Variants in DCLRE1C observed in about 807,000 individuals in gnomAD.
The protein encoded by DCLRE1C is DNA cross-link repair 1C.
Under a neutral mutation model 61.4 loss-of-function variants are expected in DCLRE1C, and 47 were observed. The observed-to-expected ratio is 0.77, with a 90% CI of 0.61 to 0.98. The LOEUF (loss-of-function observed/expected upper bound fraction) is 0.98, where lower values mean the gene tolerates loss of function less well. Among genes scored for constraint, DCLRE1C ranks in the 50% least tolerant of loss-of-function variants. The pLI is 0.00. For synonymous variants in DCLRE1C, 337 were observed against 287.6 expected (o/e 1.17, Z -1.74); for missense variants, 858 against 816.0 (o/e 1.05, Z -0.63).
At chr10:14,912,491 G>A (rs184065803) in intron 13 of DCLRE1C, among the ~76,000 whole-genome samples, 124 of 152,314 alleles carry the variant, frequency 8.1e-4, no homozygotes, top group African/African-American at 2.9e-3. Context: ...AATTTTCATA[G>A]CATTATTATT....
At position 14,926,879 on chromosome 10, in the gene DCLRE1C, G is replaced by A. The variant is rs1268452853; in HGVS notation, c.936C>T (p.Tyr312=). The A allele has an allele frequency of 7.4e-6, 12 of 1,613,454 alleles. No homozygotes were observed. Among genetic ancestry groups the A allele is most frequent in the Non-Finnish European group, 1.0e-5 (12 of 1,179,510 alleles). ...AGGAGTGAAAAGAAAAACAAGCTCT[G>A]TATGAACTCTCTCCAGTCCTAAAGG... ...NVIVRTGESS[Y]RACFSFHSSY... Residue 312 remains tyrosine, a synonymous_variant, in exon 11 of 14, where the codon TAC becomes TAT. Coordinates refer to ENST00000378278, the MANE Select transcript of DCLRE1C (RefSeq NM_001033855.3).
exon 14 of DCLRE1C, chr10:14,897,558 G>T (rs779979373): frequency 7.0e-7 from 1 of 1,431,278 alleles, no homozygotes; most frequent in Non-Finnish European, 9.2e-7. Context: ...GGACATGCAA[G>T]GTTTATACTT....
Position 14,908,433 on chromosome 10 carries a change from CTTTT to C in DCLRE1C, c.2050_2053del (p.Lys684GlufsTer6), listed in dbSNP as rs915913541. On this transcript the variant is annotated frameshift_variant, in exon 14 of 14. Coordinates refer to ENST00000378278, the MANE Select transcript of DCLRE1C (RefSeq NM_001033855.3). LOFTEE classifies it high-confidence loss of function. ...TTAGGTATCTAAGAGTGAGCATTTTCTTTTTTTGACTGCTATACTCTCACCAGTT... is the reference window on the plus strand; with the variant it reads ...TTAGGTATCTAAGAGTGAGCATTTTCTTTGACTGCTATACTCTCACCAGTT... 5.0e-6 allele frequency: 8 copies of C among 1,613,596 alleles called. No individual in the cohort carries two copies. The African/African-American group carries it at 1.1e-4, about 22-fold the overall frequency.
In DCLRE1C at chr10:14,931,438, A is replaced by G. The variant is rs41297982; in HGVS notation, c.780+1416T>C. On this transcript the variant is annotated intron_variant, in intron 9 of 13. Coordinates refer to ENST00000378278, the MANE Select transcript of DCLRE1C (RefSeq NM_001033855.3). ...CCAGGTGTGGTAGCGGGAGCCTGTA[A>G]TCTCAGCTACTCGGGAGGCTGAGGC... 3.0e-3 allele frequency among the ~76,000 whole-genome samples: 464 copies of G among 152,230 alleles called. 1 individual carries two copies. The highest frequency in any genetic ancestry group is 0.013 in the South Asian group (62 of 4,824).
chr10:14,954,140 A>G (rs1317623141), upstream of DCLRE1C: 4 of 1,497,824 alleles, frequency 2.7e-6, no homozygotes, highest in South Asian at 1.2e-5. Flanking sequence ...GCCACGTCCA[A>G]TCAGAGGAGT....
At position 14,934,375 on chromosome 10, in the gene DCLRE1C, C is replaced by T. The variant is rs750695358; in HGVS notation, c.678+5G>A. 57 of 1,613,510 alleles carry T rather than the reference C, an allele frequency of 3.5e-5. 1 individual carries two copies. In the Middle Eastern group the frequency reaches 8.3e-4, roughly 23 times the overall value. ...AGAAAAGAAAAGAATGAACAGTCACCATACCTGGACTCCTAATTCTTCACT... is the reference window on the plus strand; with the variant it reads ...AGAAAAGAAAAGAATGAACAGTCACTATACCTGGACTCCTAATTCTTCACT... On this transcript the variant is annotated splice_donor_5th_base_variant and intron_variant, in intron 8 of 13. Coordinates refer to ENST00000378278, the MANE Select transcript of DCLRE1C (RefSeq NM_001033855.3).
chr10:14,931,376 G>A (rs1838958678), intron 9 of DCLRE1C, among the ~76,000 whole-genome samples: 1 of 151,922 alleles, frequency 6.6e-6, no homozygotes, highest in South Asian at 2.1e-4. Flanking sequence ...TGGCCAATAT[G>A]GTGAAACCCT....
rs543139301 is a variant in DCLRE1C, at chr10:14,936,591, C to T, written c.309G>A (p.Lys103=). ...GTAAGAGAGTCACAACAATCTCTTC[C>T]TTCTAAAAAGAAAATAAAGAAAAAA... is the stretch of plus-strand genomic sequence containing the variant. ...ISLVDEASGE[K]EEIVVTLLPA... is the part of the protein sequence containing the mutation. The change falls in exon 5 of 14, where the codon AAG becomes AAA. Residue 103 remains lysine, a splice_region_variant and synonymous_variant. Transcript: ENST00000378278. 3.1e-6 allele frequency: 5 copies of T among 1,611,994 alleles called. No homozygotes were observed. The African/African-American group carries it at 5.3e-5, about 17-fold the overall frequency.
downstream of DCLRE1C, chr10:14,902,319 A>T: frequency 1.2e-6 from 1 of 866,332 alleles, no homozygotes; most frequent in Non-Finnish European, 1.8e-6. Context: ...TATCACTGAT[A>T]ATAAAGCTAA....
At chr10:14,919,011 CAT>C (rs779836956) in intron 13 of DCLRE1C, among the ~76,000 whole-genome samples, 1 of 152,022 alleles carries the variant, frequency 6.6e-6, no homozygotes, top group Non-Finnish European at 1.5e-5. Flanking sequence ...TTATCTATAA[CAT>C]ATGTAAGGGA....
intron 3 of DCLRE1C, chr10:14,942,179 T>A (rs1015485801): frequency 6.6e-6 from 1 of 152,334 alleles, no homozygotes; most frequent in Non-Finnish European, 1.5e-5. Context: ...GGTGCCCGTG[T>A]GCAGCTCCTC....
chr10:14,902,317 A>T, downstream of DCLRE1C: 1 of 843,450 alleles, frequency 1.2e-6, no homozygotes, highest in Non-Finnish European at 1.8e-6. Flanking sequence ...TCTATCACTG[A>T]TAATAAAGCT....
At chr10:14,945,600 G>T in intron 2 of DCLRE1C, 1 of 1,010,250 alleles carries the variant, frequency 9.9e-7, no homozygotes, top group Non-Finnish European at 1.2e-6. Context: ...CACTACCTCT[G>T]GAAAAGGTGT....
intron 9 of DCLRE1C, among the ~76,000 whole-genome samples, chr10:14,929,205 G>A (rs557274384): frequency 1.3e-5 from 2 of 152,214 alleles, no homozygotes; most frequent in South Asian, 4.1e-4. Context: ...AGGAGTCCAA[G>A]ACCAGTCTGA....
At chr10:14,928,968 C>T (rs898807230) in intron 9 of DCLRE1C, among the ~76,000 whole-genome samples, 7 of 151,978 alleles carry the variant, frequency 4.6e-5, no homozygotes, top group African/African-American at 1.7e-4. Context: ...TTTTTAGTTA[C>T]AGGATTTCAC....
intron 9 of DCLRE1C, among the ~76,000 whole-genome samples, chr10:14,932,619 G>A (rs369655123): frequency 3.0e-4 from 45 of 152,130 alleles, no homozygotes; most frequent in African/African-American, 1.1e-3. Context: ...CTGGGCGACA[G>A]AGTGAGACTC....
chr10:14,948,491 A>G (rs1435218980), intron 2 of DCLRE1C, among the ~76,000 whole-genome samples: 1 of 152,208 alleles, frequency 6.6e-6, no homozygotes, highest in East Asian at 1.9e-4. Flanking sequence ...ATACTCTTAC[A>G]GAAATAACAT....
intron 11 of DCLRE1C, among the ~76,000 whole-genome samples, chr10:14,925,833 T>C (rs1189338999): frequency 1.3e-5 from 2 of 152,206 alleles, no homozygotes; most frequent in Admixed American, 6.5e-5. Flanking sequence ...ACTTTCGATA[T>C]GGTTTGGCTG....
intron 9 of DCLRE1C, among the ~76,000 whole-genome samples, chr10:14,931,573 A>G (rs779173165): frequency 1.5e-4 from 22 of 151,076 alleles, no homozygotes; most frequent in Non-Finnish European, 2.4e-4. Flanking sequence ...AAAACAAAAC[A>G]ACAAAAAACA....
Sources: allele counts gnomAD v4.1 joint callset (sites outside exome capture counted in the v4.1 genomes callset), GRCh38; gene constraint gnomAD v4.1.1; transcripts MANE v1.5; gene names NCBI Gene and HGNC (gene_info 2026-07-23, HGNC 2026-07-21).